Variants in ACIN1 observed in about 807,000 individuals in gnomAD.
The protein encoded by ACIN1 is apoptotic chromatin condensation inducer 1, also known as apoptotic chromatin condensation inducer in the nucleus.
Under a neutral mutation model 146.6 loss-of-function variants are expected in ACIN1, and 16 were observed. The observed-to-expected ratio is 0.11, with a 90% CI of 0.07 to 0.17. The LOEUF (loss-of-function observed/expected upper bound fraction) is 0.17. ACIN1 is among the 10% of genes least tolerant of loss of function. The pLI is 1.00. For synonymous variants in ACIN1, 569 were observed against 582.7 expected (o/e 0.98, Z 0.34); for missense variants, 1,357 against 1,609.3 (o/e 0.84, Z 2.68).
rs576417486 is a variant in ACIN1, at chr14:23,061,502, G to A, written c.3220C>T (p.Arg1074Trp). The change falls in exon 17 of 19, where the codon CGG (arginine) becomes TGG (tryptophan). Residue 1074 changes from arginine to tryptophan, a missense_variant. Physicochemically the swap from Arg to Trp is moderately radical, Grantham distance 101. Transcript: ENST00000605057. ...PPPVQPPQHP[R>W]AEQREQERAV... is the part of the protein sequence containing the mutation. ...CGTTCCTGCTCCCGCTGCTCTGCCCGGGGGTGCTGTGGTGGCTGGACCGGG... is the reference window on the plus strand; with the variant it reads ...CGTTCCTGCTCCCGCTGCTCTGCCCAGGGGTGCTGTGGTGGCTGGACCGGG... 2.2e-5 allele frequency: 35 copies of A among 1,612,114 alleles called. No individual in the cohort carries two copies. Among genetic ancestry groups the A allele is most frequent in the Admixed American group, 1.2e-4 (7 of 59,918 alleles).
At position 23,059,305 on chromosome 14, in the gene ACIN1, T is replaced by C. The variant is rs780294572; in HGVS notation, c.3695A>G (p.Glu1232Gly). Reference sequence around the variant, plus strand: ...GTCCCGCTCCCTTTCTCTCTCTCTCTCCCTGTCCCTCTCCCGACTGTGCTC... The same window carrying C: ...GTCCCGCTCCCTTTCTCTCTCTCTCCCCCTGTCCCTCTCCCGACTGTGCTC... ...RREHSRERDR[E>G]RERERERDRG... Residue 1232 changes from glutamate (E) to glycine (G), a missense_variant, in exon 19 of 19, where the codon GAG becomes GGG. Glu to Gly is a moderately conservative substitution (Grantham distance 98). This residue lies in a region of ACIN1 where 509 missense variants were observed against 719.6 expected (regional missense o/e 0.71). Coordinates refer to ENST00000605057, the MANE Select transcript of ACIN1 (RefSeq NM_001386863.1). 4.4e-6 allele frequency: 7 copies of C among 1,588,088 alleles called. No homozygotes were observed. The highest frequency in any genetic ancestry group is 2.2e-5 in the East Asian group (1 of 44,768).
rs1362212004 is a variant in ACIN1 at position 23,095,002 on chromosome 14, C to T, written c.111G>A (p.Lys37=). The T allele has an allele frequency of 6.2e-7, 1 of 1,608,168 alleles. No homozygotes were observed. The change falls in exon 1 of 19, where the codon AAG becomes AAA. Residue 37 remains lysine, a synonymous_variant. Transcript: ENST00000605057. ...CTTTGAGCCGCTTGACCAGGGCACT[C>T]TTCTGCCCGCTCTTGGCTAGGCCTC... is the stretch of plus-strand genomic sequence containing the variant. The part of the protein sequence containing the change: ...EQRGLAKSGQ[K]SALVKRLKGA...
rs182755896 is a variant in ACIN1, at chr14:23,080,234, A to T, written c.1101T>A (p.Ser367=). 1.5e-5 allele frequency: 24 copies of T among 1,613,814 alleles called. No individual in the cohort carries two copies. Among genetic ancestry groups the T allele is most frequent in the Middle Eastern group, 1.6e-4 (1 of 6,062 alleles). The change falls in exon 6 of 19, where the codon TCT becomes TCA. Residue 367 remains serine (S), a synonymous_variant. Coordinates refer to ENST00000605057, the MANE Select transcript of ACIN1 (RefSeq NM_001386863.1). ...PPPLLTKEAS[S]PPPHPQLHSE... The stretch of plus-strand genomic sequence containing the variant: ...TATGGAGCTGTGGATGAGGTGGTGG[A>T]GAAGATGCTTCCTTTGTTAGTAAAG...
At chr14:23,082,122 G>C (rs1446208612) in intron 4 of ACIN1, among the ~76,000 whole-genome samples, 1 of 151,924 alleles carries the variant, frequency 6.6e-6, no homozygotes, top group Non-Finnish European at 1.5e-5. Context: ...TAATTTCCAG[G>C]GGCTTCAAAC....
At position 23,061,530 on chromosome 14, in the gene ACIN1, T is replaced by A. The variant is rs139086496; in HGVS notation, c.3192A>T (p.Pro1064=). Residue 1064 remains proline, a synonymous_variant, in exon 17 of 19, where the codon CCA becomes CCT. Coordinates refer to ENST00000605057, the MANE Select transcript of ACIN1 (RefSeq NM_001386863.1). ...GIPRPLHPPP[P]PPVQPPQHPR... ...GGTGCTGTGGTGGCTGGACCGGGGG[T>A]GGGGGTGGGGGGTGCAGGGGCCGTG... 2 of 211,002 alleles carry A rather than the reference T, an allele frequency of 9.5e-6. No homozygotes were observed. Among genetic ancestry groups the A allele is most frequent in the Admixed American group, 6.3e-5 (1 of 15,794 alleles). The allele number at this position is 211,002 out of a possible 1,614,324, so 13.1% of individuals were successfully genotyped here. A position where few individuals can be genotyped will look rare whatever the true frequency, so the allele number is the denominator to read the frequency against.
rs373395487 is a variant in ACIN1, at chr14:23,069,510, G to A, written c.2231C>T (p.Pro744Leu). The A allele has an allele frequency of 1.1e-5, 17 of 1,613,942 alleles. No homozygotes were observed. Among genetic ancestry groups the A allele is most frequent in the East Asian group, 2.2e-5 (1 of 44,882 alleles). ...IADQVSNDDR[P>L]EGSVEDEEKK... is the part of the protein sequence containing the mutation. The stretch of plus-strand genomic sequence containing the variant: ...CTCCTCATCTTCAACACTGCCCTCC[G>A]GGCGGTCATCATTGCTGACTTGGTC... The change falls in exon 9 of 19, where the codon CCG (proline) becomes CTG (leucine). Residue 744 changes from proline to leucine, a missense_variant. Physicochemically the swap from Pro to Leu is moderately conservative, Grantham distance 98. Coordinates refer to ENST00000605057, the MANE Select transcript of ACIN1 (RefSeq NM_001386863.1).
At chr14:23,074,085 G>A (rs765528147) in intron 8 of ACIN1, among the ~76,000 whole-genome samples, 5 of 151,508 alleles carry the variant, frequency 3.3e-5, no homozygotes, top group Admixed American at 2.0e-4. Flanking sequence ...TGATTCGCGC[G>A]TCTCGGCCTC....
At chr14:23,069,003 A>G (rs2047543743) in intron 9 of ACIN1, 2 of 985,856 alleles carry the variant, frequency 2.0e-6, no homozygotes, top group South Asian at 4.7e-5. Context: ...AAGTAGCTAC[A>G]TCTCTGCAGT....
chr14:23,061,193 GAA>G lies in ACIN1; in HGVS notation c.3425-11_3425-10del, dbSNP rs1027397176. ...TTCCTCCTGGGCTTTCTCTGAGGTG[GAA>G]AAAAGTGAACCAGATATGATGCATC... On this transcript the variant is annotated splice_polypyrimidine_tract_variant and intron_variant, in intron 17 of 18. Coordinates refer to ENST00000605057, the MANE Select transcript of ACIN1 (RefSeq NM_001386863.1). The G allele has an allele frequency of 3.1e-6, 5 of 1,613,960 alleles. No individual in the cohort carries two copies. The African/African-American group carries it at 5.3e-5, about 17-fold the overall frequency.
At position 23,095,053 on chromosome 14, in the gene ACIN1, G is replaced by A; in HGVS notation, c.60C>T (p.Thr20=). The A allele has an allele frequency of 6.2e-7, 1 of 1,613,798 alleles. No homozygotes were observed. ...DGKPLQALRV[T]DLKAALEQRG... Reference sequence around the variant, plus strand: ...GCTGCTCCAGTGCGGCCTTCAGGTCGGTCACCCGCAGCGCCTGAAGAGGCT... The same window carrying A: ...GCTGCTCCAGTGCGGCCTTCAGGTCAGTCACCCGCAGCGCCTGAAGAGGCT... Residue 20 remains threonine (T), a synonymous_variant, in exon 1 of 19, where the codon ACC becomes ACT. Coordinates refer to ENST00000605057, the MANE Select transcript of ACIN1 (RefSeq NM_001386863.1).
Position 23,061,627 on chromosome 14 carries a change from G to T in ACIN1, c.3100-5C>A. 1.3e-6 allele frequency: 2 copies of T among 1,521,424 alleles called. No individual in the cohort carries two copies. Among genetic ancestry groups the T allele is most frequent in the Non-Finnish European group, 8.8e-7 (1 of 1,133,794 alleles). The allele number at this position is 1,521,424 out of a possible 1,614,324, so 94.2% of individuals were successfully genotyped here. A position where few individuals can be genotyped will look rare whatever the true frequency, so the allele number is the denominator to read the frequency against. On this transcript the variant is annotated splice_polypyrimidine_tract_variant and splice_region_variant and intron_variant, in intron 16 of 18. Coordinates refer to ENST00000605057, the MANE Select transcript of ACIN1 (RefSeq NM_001386863.1). Reference sequence around the variant, plus strand: ...GAGGCCTCGGTGATAATCCAGCTGTGGGGAGAGGAGGGACAAGGACAGTTA... The same window carrying T: ...GAGGCCTCGGTGATAATCCAGCTGTTGGGAGAGGAGGGACAAGGACAGTTA...
Position 23,079,989 on chromosome 14 carries a change from C to A in ACIN1, c.1346G>T (p.Ser449Ile), listed in dbSNP as rs2140154366. 6.2e-7 allele frequency: 1 copy of A among 1,614,018 alleles called. No individual in the cohort carries two copies. Among genetic ancestry groups the A allele is most frequent in the South Asian group, 1.1e-5 (1 of 91,060 alleles). Reference sequence around the variant, plus strand: ...CTGGGCTGAGTAGTCAGCCAGTGTGCTTTTCTGAACCAGAGGCAGGACACT... The same window carrying A: ...CTGGGCTGAGTAGTCAGCCAGTGTGATTTTCTGAACCAGAGGCAGGACACT... ...EESVLPLVQK[S>I]TLADYSAQKD... The change falls in exon 6 of 19, where the codon AGC (serine) becomes ATC (isoleucine). Residue 449 changes from serine to isoleucine, a missense_variant. Around this residue, in one of 4 missense-constraint regions of ACIN1, gnomAD observed 771 missense variants for 746.6 expected, o/e 1.03. Coordinates refer to ENST00000605057, the MANE Select transcript of ACIN1 (RefSeq NM_001386863.1).
At chr14:23,090,202 G>A (rs2140233645) in intron 3 of ACIN1, 101 bp from the exon 4 acceptor site, 1 of 1,468,872 alleles carries the variant, frequency 6.8e-7, no homozygotes, top group Non-Finnish European at 9.1e-7. Context: ...CACAGATACA[G>A]AGATACATAC....
chr14:23,075,273 T>C (rs1414690106), intron 8 of ACIN1, among the ~76,000 whole-genome samples: 1 of 151,862 alleles, frequency 6.6e-6, no homozygotes, highest in Non-Finnish European at 1.5e-5. Context: ...TAACTACAGC[T>C]GAATGATACA....
chr14:23,090,567 T>C lies in ACIN1; in HGVS notation c.271A>G (p.Arg91Gly). Residue 91 changes from arginine to glycine, a missense_variant, in exon 3 of 19, where the codon AGG becomes GGG. Transcript: ENST00000605057. ...CGAGCTTCACGTTCCAGACGCTGCC[T>C]AAGTAGCTCCTGCTGCTTTTCCAGA... ...QYLEKQQELL[R>G]QRLEREAREA... is the part of the protein sequence containing the mutation. 5 of 1,614,134 alleles carry C rather than the reference T, an allele frequency of 3.1e-6. No individual in the cohort carries two copies. The highest frequency in any genetic ancestry group is 4.2e-6 in the Non-Finnish European group (5 of 1,179,982).
chr14:23,090,238 A>G, intron 3 of ACIN1, 137 bp from the exon 4 acceptor site: 2 of 1,227,406 alleles, frequency 1.6e-6, no homozygotes, highest in South Asian at 3.3e-5. Context: ...ATAAAAAGAA[A>G]AAACTCCCTG....
In ACIN1 at chr14:23,079,928, C is replaced by T. The variant is rs752500421; in HGVS notation, c.1407G>A (p.Gln469=). ...DLEPESDRSA[Q]PLPLKIEELA... is the part of the protein sequence containing the mutation. Reference sequence around the variant, plus strand: ...ATTCCTCAATTTTTAGAGGGAGGGGCTGAGCAGATCTGTCTGACTCAGGTT... The same window carrying T: ...ATTCCTCAATTTTTAGAGGGAGGGGTTGAGCAGATCTGTCTGACTCAGGTT... Residue 469 remains glutamine, a synonymous_variant, in exon 6 of 19, where the codon CAG becomes CAA. Transcript: ENST00000605057. The T allele has an allele frequency of 6.2e-7, 1 of 1,614,148 alleles. No homozygotes were observed. Among genetic ancestry groups the T allele is most frequent in the Non-Finnish European group, 8.5e-7 (1 of 1,180,034 alleles).
chr14:23,062,240 T>C lies in ACIN1; in HGVS notation c.3027A>G (p.Thr1009=). 1 of 1,614,076 alleles carries C rather than the reference T, an allele frequency of 6.2e-7. No individual in the cohort carries two copies. The highest frequency in any genetic ancestry group is 8.5e-7 in the Non-Finnish European group (1 of 1,180,004). ...GGGGCCATTTGACCCCGTGCAGAGC[T>C]GTGCGGGTGGCAACAGCTTCCTCTA... The part of the protein sequence containing the change: ...STVEEAVATR[T]ALHGVKWPQS... The change falls in exon 16 of 19, where the codon ACA becomes ACG. Residue 1009 remains threonine (T), a synonymous_variant. Coordinates refer to ENST00000605057, the MANE Select transcript of ACIN1 (RefSeq NM_001386863.1).
At chr14:23,083,304 A>C (rs2047998285) in intron 4 of ACIN1, among the ~76,000 whole-genome samples, 1 of 151,918 alleles carries the variant, frequency 6.6e-6, no homozygotes, top group South Asian at 2.1e-4. Flanking sequence ...TCCAGGGCTC[A>C]AGTAATCCTC....
Sources: gnomAD v4.1 joint callset for allele counts (sites outside exome capture counted in the v4.1 genomes callset) on GRCh38, gnomAD v4.1.1 for gene constraint, gnomAD v4.1.1 regional missense constraint, MANE v1.5 for transcripts, NCBI Gene and HGNC (gene_info 2026-07-23, HGNC 2026-07-21) for gene names.